Variants in HDAC9 observed in about 807,000 individuals in gnomAD.
HDAC9 encodes the protein histone deacetylase 9, also known as MEF-2 interacting transcription repressor (MITR) protein.
A neutral mutation model predicts 139.4 loss-of-function variants in HDAC9; 41 were observed. The ratio of observed to expected loss-of-function variants is 0.29; its 90% CI spans 0.23 to 0.38. The LOEUF is 0.38. Among genes scored for constraint, HDAC9 ranks in the 10% least tolerant of loss-of-function variants. The probability of loss-of-function intolerance (pLI) is 1.00; values close to 1 mark genes in which losing one functional copy is unlikely to be tolerated. For missense variants in HDAC9, 1,147 were observed against 1,297.0 expected, an observed-to-expected ratio of 0.88 and a Z score of 1.78; for synonymous variants, 517 against 476.2, an observed-to-expected ratio of 1.09 and a Z score of -1.12.
chr7:18,462,732 A>G lies in HDAC9; in HGVS notation c.-41-33530A>G, dbSNP rs565016233. Among the ~76,000 whole-genome samples the G allele has an allele frequency of 1.1e-4, 17 of 152,158 alleles. No homozygotes were observed. In the South Asian group the frequency reaches 3.5e-3, roughly 32 times the overall value. ...TTAGTTTGTTGATTTTTACTGCTGT[A>G]TAATATCTACTCCATGACTGTGAAT... is the stretch of plus-strand genomic sequence containing the variant. On this transcript the variant is annotated intron_variant, in intron 1 of 3. Coordinates refer to the HDAC9 transcript ENST00000413509.
intron 1 of HDAC9, among the ~76,000 whole-genome samples, chr7:18,141,499 A>G (rs1214046322): frequency 5.3e-5 from 8 of 152,172 alleles, no homozygotes; most frequent in African/African-American, 1.9e-4. Context: ...GCAATATTAA[A>G]TCTAGGTGAG....
At chr7:18,744,766 T>A (rs1452474740) in intron 13 of HDAC9, among the ~76,000 whole-genome samples, 1 of 152,116 alleles carries the variant, frequency 6.6e-6, no homozygotes, top group Non-Finnish European at 1.5e-5. Flanking sequence ...ATACATTATC[T>A]CATTTAATAA....
intron 6 of HDAC9, among the ~76,000 whole-genome samples, chr7:18,602,176 T>G (rs183712367): frequency 6.7e-4 from 102 of 152,218 alleles, no homozygotes; most frequent in African/African-American, 2.4e-3. Flanking sequence ...TTTTCTCCAC[T>G]TGTGAGTTTT....
chr7:18,793,383 C>G lies in HDAC9; in HGVS notation c.2253C>G (p.Ser751=). 1 of 1,584,664 alleles carries G rather than the reference C, an allele frequency of 6.3e-7. No individual in the cohort carries two copies. The highest frequency in any genetic ancestry group is 8.6e-7 in the Non-Finnish European group (1 of 1,165,308). Residue 751 remains serine, a synonymous_variant, in exon 17 of 26, where the codon TCC becomes TCG. Coordinates refer to ENST00000686413, the MANE Select transcript of HDAC9 (RefSeq NM_178425.4). ...SDTIWNELHS[S]GAARMAVGCV... ...CCATTTGGAATGAGCTACACTCGTCCGGTGCTGCACGCATGGCTGTTGGCT... is the reference window on the plus strand; with the variant it reads ...CCATTTGGAATGAGCTACACTCGTCGGGTGCTGCACGCATGGCTGTTGGCT...
At position 18,688,321 on chromosome 7, in the gene HDAC9, G is replaced by GTTT. The variant is rs1562853128; in HGVS notation, c.1731+21845_1731+21846insTTT. Among the ~76,000 whole-genome samples, 36 of 151,722 alleles carry GTTT rather than the reference G, an allele frequency of 2.4e-4. 2 individuals carry two copies. The highest frequency in any genetic ancestry group is 8.7e-4 in the African/African-American group (36 of 41,464). The stretch of plus-strand genomic sequence containing the variant: ...TAGCCTTAGTTTGACTGCTGACACC[G>GTTT]GGAATGCATTTCTAAACTTCTAAAT... On this transcript the variant is annotated intron_variant, in intron 12 of 25. Coordinates refer to ENST00000686413, the MANE Select transcript of HDAC9 (RefSeq NM_178425.4).
chr7:18,246,373 GTTTACAAT>G (rs1428543922), intron 2 of HDAC9, among the ~76,000 whole-genome samples: 1 of 151,612 alleles, frequency 6.6e-6, no homozygotes, highest in Non-Finnish European at 1.5e-5. Flanking sequence ...ACATAACAAA[GTTTACAAT>G]TTTAACCATT....
intron 1 of HDAC9, among the ~76,000 whole-genome samples, chr7:18,361,035 T>G (rs1783735415): frequency 6.6e-6 from 1 of 152,228 alleles, no homozygotes; most frequent in African/African-American, 2.4e-5. Context: ...GAGCCTAGTT[T>G]CAGAATGGAA....
At chr7:18,829,033 C>T (rs566601925) in intron 17 of HDAC9, 128 bp from the exon 18 acceptor site, 30 of 711,064 alleles carry the variant, frequency 4.2e-5, no homozygotes, top group South Asian at 3.4e-4. Flanking sequence ...AAAACAATCT[C>T]GGAAGCGTAT....
At chr7:18,631,723 T>G (rs1272140084) in intron 7 of HDAC9, among the ~76,000 whole-genome samples, 1 of 151,958 alleles carries the variant, frequency 6.6e-6, no homozygotes, top group Non-Finnish European at 1.5e-5. Flanking sequence ...TTTCAAATGT[T>G]AAAATTGACT....
intron 2 of HDAC9, among the ~76,000 whole-genome samples, chr7:18,193,598 C>T (rs933675681): frequency 1.3e-5 from 2 of 152,172 alleles, no homozygotes; most frequent in Non-Finnish European, 2.9e-5. Flanking sequence ...ATCTTGAACT[C>T]CACCTTTCAC....
chr7:18,592,801 C>T (rs942741365), intron 5 of HDAC9, among the ~76,000 whole-genome samples: 7 of 152,020 alleles, frequency 4.6e-5, no homozygotes, highest in Non-Finnish European at 7.4e-5. Context: ...ATCAATATCA[C>T]GAATGATTTA....
chr7:18,953,067 A>T (rs1051865927), intron 23 of HDAC9, among the ~76,000 whole-genome samples: 2 of 152,006 alleles, frequency 1.3e-5, no homozygotes, highest in Admixed American at 6.6e-5. Flanking sequence ...TCACTCACAT[A>T]TGTGGTGGAA....
At chr7:18,815,083 T>A (rs1794464881) in intron 17 of HDAC9, among the ~76,000 whole-genome samples, 2 of 152,160 alleles carry the variant, frequency 1.3e-5, no homozygotes, top group African/African-American at 4.8e-5. Context: ...TAGCCCAGTA[T>A]AATCTTTGTT....
At chr7:18,336,834 T>C (rs981415965) in intron 1 of HDAC9, among the ~76,000 whole-genome samples, 1 of 151,600 alleles carries the variant, frequency 6.6e-6, no homozygotes, top group Non-Finnish European at 1.5e-5. Context: ...TATTTAAAAC[T>C]GTGACATTCT....
intron 2 of HDAC9, among the ~76,000 whole-genome samples, chr7:18,523,869 A>T (rs1335040857): frequency 6.6e-6 from 1 of 151,984 alleles, no homozygotes; most frequent in Non-Finnish European, 1.5e-5. Flanking sequence ...AGATGAGGAG[A>T]TTTAAATGTA....
chr7:18,742,999 T>A (rs1003945469), intron 13 of HDAC9, among the ~76,000 whole-genome samples: 1 of 152,220 alleles, frequency 6.6e-6, no homozygotes, highest in Non-Finnish European at 1.5e-5. Flanking sequence ...TTGCTTCCTA[T>A]AGTAAATCAT....
chr7:18,204,825 G>T (rs1445450883), intron 2 of HDAC9, among the ~76,000 whole-genome samples: 1 of 151,728 alleles, frequency 6.6e-6, no homozygotes, highest in Non-Finnish European at 1.5e-5. Context: ...ACATATTTCT[G>T]CAATATGTTG....
chr7:18,207,763 G>T (rs1343032196), intron 2 of HDAC9, among the ~76,000 whole-genome samples: 4 of 151,814 alleles, frequency 2.6e-5, no homozygotes, highest in African/African-American at 4.8e-5. Context: ...TGCCCAGGCT[G>T]GAGTGCAATG....
chr7:18,638,799 C>T (rs1784680254), intron 8 of HDAC9, among the ~76,000 whole-genome samples: 3 of 152,072 alleles, frequency 2.0e-5, no homozygotes, highest in Admixed American at 2.0e-4. Flanking sequence ...TATGCTCAGT[C>T]CCAGAACTCA....
Sources: allele counts gnomAD v4.1 joint callset (sites outside exome capture counted in the v4.1 genomes callset), GRCh38; gene constraint gnomAD v4.1.1; transcripts MANE v1.5; gene names NCBI Gene and HGNC (gene_info 2026-07-23, HGNC 2026-07-21).